The following CADM3 variants were observed in gnomAD, a reference collection of about 807,000 sequenced individuals.
CADM3 encodes TSLC1-like 1.
In CADM3, 11 loss-of-function variants were observed where a neutral mutation model predicts 44.9. That is an observed-to-expected ratio of 0.25 (90% CI 0.15 to 0.41). CADM3 has a LOEUF of 0.41. Ranked by LOEUF, CADM3 falls within the 10% of genes least tolerant of loss-of-function variation. CADM3 has a pLI of 1.00. For missense variants in CADM3, 426 were observed against 512.0 expected (o/e 0.83, Z 1.62); for synonymous variants, 207 against 205.2 (o/e 1.01, Z -0.08).
rs1351874065 is a variant in CADM3, at chr1:159,171,954, A to G, written c.88+101A>G. 1.7e-5 allele frequency: 13 copies of G among 744,652 alleles called. 1 individual carries two copies. The highest frequency in any genetic ancestry group is 4.3e-5 in the Admixed American group (1 of 23,044). 46.1% of individuals were successfully genotyped at this position (744,652 alleles called of 1,614,324 possible). ...GAAGGAGCCTGTTGGCTTTGTTTGG[A>G]ACCGGGGTTAAAGTCACCAGCCGCT... On this transcript the variant is annotated intron_variant, in intron 1 of 8. Transcript: ENST00000368125.
At chr1:159,200,050 CTG>C (rs1040877090) in intron 8 of CADM3, among the ~76,000 whole-genome samples, 174 bp downstream of exon 8, 6 of 152,172 alleles carry the variant, frequency 3.9e-5, no homozygotes, top group African/African-American at 1.4e-4. Context: ...CCTGTGATAA[CTG>C]AGCACCACCA....
chr1:159,199,123 C>T (rs1325542657), intron 7 of CADM3, among the ~76,000 whole-genome samples: 3 of 152,010 alleles, frequency 2.0e-5, no homozygotes, highest in African/African-American at 7.3e-5. Flanking sequence ...TGTCAAAGTG[C>T]CTAATTCTTG....
rs753215107 is a variant in CADM3 at position 159,191,988 on chromosome 1, G to A, written c.141G>A (p.Val47=). 80 of 1,613,942 alleles carry A rather than the reference G, an allele frequency of 5.0e-5. No homozygotes were observed. The highest frequency in any genetic ancestry group is 6.5e-5 in the Non-Finnish European group (77 of 1,179,962). Residue 47 remains valine (V), a synonymous_variant, in exon 2 of 9, where the codon GTG becomes GTA. Coordinates refer to ENST00000368125, the MANE Select transcript of CADM3 (RefSeq NM_001127173.3). The part of the protein sequence containing the change: ...DETVVAGGTV[V]LKCQVKDHED... Reference sequence around the variant, plus strand: ...CAGTGGTGGCTGGTGGCACCGTGGTGCTCAAGTGCCAAGTGAAAGATCACG... The same window carrying A: ...CAGTGGTGGCTGGTGGCACCGTGGTACTCAAGTGCCAAGTGAAAGATCACG...
chr1:159,173,620 C>A (rs545957114), intron 1 of CADM3, among the ~76,000 whole-genome samples: 2 of 152,282 alleles, frequency 1.3e-5, no homozygotes, highest in East Asian at 3.9e-4. Context: ...GACAGAGAGG[C>A]TGCTGGGTGT....
chr1:159,192,797 C>A, intron 3 of CADM3, 67 bp downstream of exon 3: 1 of 1,508,658 alleles, frequency 6.6e-7, no homozygotes, highest in South Asian at 1.3e-5. Flanking sequence ...CTAGATGGGT[C>A]CCTGAAGCAG....
At chr1:159,196,693 G>A in intron 6 of CADM3, 198 bp from the exon 7 acceptor site, 2 of 642,570 alleles carry the variant, frequency 3.1e-6, no homozygotes. Flanking sequence ...TAAGATACAA[G>A]TCTGGAGATC....
intron 1 of CADM3, chr1:159,189,704 A>G (rs1490963408): frequency 8.2e-7 from 1 of 1,217,556 alleles, no homozygotes; most frequent in African/African-American, 1.5e-5. Flanking sequence ...CCCAGCAATG[A>G]AAGTAGAGCC....
intron 1 of CADM3, among the ~76,000 whole-genome samples, chr1:159,187,965 G>A (rs1649485222): frequency 6.6e-6 from 1 of 151,050 alleles, no homozygotes; most frequent in Non-Finnish European, 1.5e-5. Context: ...CTCTTTTATC[G>A]ACAGTTCCCT....
At position 159,199,838 on chromosome 1, in the gene CADM3, T is replaced by C. The variant is rs1174478413; in HGVS notation, c.1040T>C (p.Met347Thr). 1 of 1,613,970 alleles carries C rather than the reference T, an allele frequency of 6.2e-7. No homozygotes were observed. Among genetic ancestry groups the C allele is most frequent in the Non-Finnish European group, 8.5e-7 (1 of 1,180,026 alleles). The change falls in exon 8 of 9, where the codon ATG becomes ACG. Residue 347 changes from methionine to threonine, a missense_variant. Around this residue, in one of 2 missense-constraint regions of CADM3, gnomAD observed 362 missense variants for 474.6 expected, o/e 0.76. Transcript: ENST00000368125. ...TTCATTGTCTTCCTGCTGCTCATCA[T>C]GCTCATCTTCCTTGGCCACTACTTG... ...VAFIVFLLLIMLIFLGHYLIR... is the reference protein window; with the variant it reads ...VAFIVFLLLITLIFLGHYLIR...
intron 1 of CADM3, among the ~76,000 whole-genome samples, chr1:159,188,739 A>G (rs772486336): frequency 2.0e-5 from 3 of 152,202 alleles, no homozygotes; most frequent in African/African-American, 7.2e-5. Context: ...GACTTAGGCC[A>G]TTGGGTATTT....
Position 159,202,748 on chromosome 1 carries a change from C to A in CADM3, c.*1826C>A, listed in dbSNP as rs149599957. On this transcript the variant is annotated 3_prime_UTR_variant, in exon 9 of 9. Coordinates refer to ENST00000368125, the MANE Select transcript of CADM3 (RefSeq NM_001127173.3). ...TGCAATCTAGCAGGCCTGCCCACCC[C>A]CTTCAGTTCAGGTAATACAGTTGTG... The A allele has an allele frequency of 6.6e-6, 1 of 152,060 alleles. No individual in the cohort carries two copies. The highest frequency in any genetic ancestry group is 2.4e-5 in the African/African-American group (1 of 41,382). The allele number at this position is 152,060 out of a possible 1,614,324, so 9.4% of individuals were successfully genotyped here.
In CADM3 at chr1:159,197,940, T is replaced by C. The variant is rs1396155792; in HGVS notation, c.952+880T>C. 3.9e-5 allele frequency: 6 copies of C among 152,246 alleles called. No individual in the cohort carries two copies. In the East Asian group the frequency reaches 1.2e-3, roughly 29 times the overall value. 9.4% of individuals were successfully genotyped at this position (152,246 alleles called of 1,614,324 possible). The stretch of plus-strand genomic sequence containing the variant: ...GGGGCAGACCTCAGCATGTGGGAGC[T>C]GCCTCAGCACAACAAGGCTATTGTA... On this transcript the variant is annotated intron_variant, in intron 7 of 8. Coordinates refer to ENST00000368125, the MANE Select transcript of CADM3 (RefSeq NM_001127173.3).
chr1:159,194,062 G>A (rs1649790333), intron 5 of CADM3, 22 bp downstream of exon 5: 1 of 1,605,094 alleles, frequency 6.2e-7, no homozygotes, highest in Non-Finnish European at 8.5e-7. Context: ...GCTTGGGGAT[G>A]AAGAAGGATG....
chr1:159,195,135 G>A (rs1461942381), intron 5 of CADM3: 1 of 152,122 alleles, frequency 6.6e-6, no homozygotes, highest in African/African-American at 2.4e-5. Context: ...TAGGTTTAGG[G>A]TGCATCACTA....
At chr1:159,186,895 A>G (rs1347779245) in intron 1 of CADM3, among the ~76,000 whole-genome samples, 1 of 152,248 alleles carries the variant, frequency 6.6e-6, no homozygotes, top group Non-Finnish European at 1.5e-5. Context: ...CCATAGAGGC[A>G]ATACATCATG....
intron 8 of CADM3, 44 bp from the exon 9 acceptor site, chr1:159,200,760 T>G (rs201047940): frequency 1.2e-5 from 17 of 1,448,298 alleles, no homozygotes; most frequent in Non-Finnish European, 1.6e-5. Context: ...GACTCAGAGG[T>G]TGGGAAGCTG....
intron 1 of CADM3, among the ~76,000 whole-genome samples, chr1:159,188,300 T>G (rs1334877050): frequency 7.5e-6 from 1 of 132,692 alleles, no homozygotes; most frequent in African/African-American, 2.9e-5. Context: ...GTACCCCTCC[T>G]CTTCTCCCTC....
chr1:159,193,393 C>T (rs774781743), intron 3 of CADM3, 30 bp from the exon 4 acceptor site: 42 of 1,565,784 alleles, frequency 2.7e-5, no homozygotes, highest in Non-Finnish European at 3.6e-5. Flanking sequence ...GCCTCTCCTT[C>T]CTATCCTGGC....
intron 6 of CADM3, 162 bp from the exon 7 acceptor site, chr1:159,196,729 A>G: frequency 2.8e-6 from 2 of 718,382 alleles, no homozygotes; most frequent in East Asian, 2.7e-5. Flanking sequence ...ACGAACCCCA[A>G]GAGGCCACCT....
Sources: gnomAD v4.1 joint callset for allele counts (sites outside exome capture counted in the v4.1 genomes callset) on GRCh38, gnomAD v4.1.1 for gene constraint, gnomAD v4.1.1 regional missense constraint, MANE v1.5 for transcripts, NCBI Gene and HGNC (gene_info 2026-07-23, HGNC 2026-07-21) for gene names.